Variants in MYO9A observed in about 807,000 individuals in gnomAD.
MYO9A encodes unconventional myosin-IXa.
In MYO9A, 103 loss-of-function variants were observed where a neutral mutation model predicts 293.3. That is an observed-to-expected ratio of 0.35 (90% CI 0.30 to 0.41). The LOEUF is 0.41. MYO9A is among the 10% of genes least tolerant of loss of function. MYO9A has a pLI of 1.00. For synonymous variants in MYO9A, 1,001 were observed against 1,035.7 expected, an observed-to-expected ratio of 0.97 and a Z score of 0.64; for missense variants, 2,685 against 3,033.0, an observed-to-expected ratio of 0.89 and a Z score of 2.69.
intron 11 of MYO9A, among the ~76,000 whole-genome samples, chr15:71,985,776 T>C (rs540021930): frequency 3.9e-5 from 6 of 152,336 alleles, no homozygotes; most frequent in African/African-American, 1.4e-4. Flanking sequence ...TTCAAATATA[T>C]GTTGTTGAAG....
At position 71,901,277 on chromosome 15, in the gene MYO9A, T is replaced by C. The variant is rs1241116738; in HGVS notation, c.3064A>G (p.Arg1022Gly). Residue 1022 changes from arginine (R) to glycine (G), a missense_variant, in exon 23 of 42, where the codon AGA becomes GGA. Physicochemically the swap from Arg to Gly is moderately radical, Grantham distance 125 (BLOSUM62 -2). Coordinates refer to ENST00000356056, the MANE Select transcript of MYO9A (RefSeq NM_006901.4). ...QDLLHQEVLR[R>G]IILLQRWFRV... is the part of the protein sequence containing the mutation. Reference sequence around the variant, plus strand: ...AACCATCGCTGCAACAATATGATTCTGCGGAGCACCTCTTGGTGAAGCAGA... The same window carrying C: ...AACCATCGCTGCAACAATATGATTCCGCGGAGCACCTCTTGGTGAAGCAGA... The C allele has an allele frequency of 6.2e-7, 1 of 1,613,958 alleles. No individual in the cohort carries two copies.
chr15:71,954,747 C>G (rs993426931), intron 14 of MYO9A, among the ~76,000 whole-genome samples: 5 of 152,102 alleles, frequency 3.3e-5, no homozygotes, highest in African/African-American at 9.7e-5. Context: ...GCAGGACCAG[C>G]AATTTTCAAT....
chr15:72,056,234 T>G (rs1447428035), intron 1 of MYO9A, among the ~76,000 whole-genome samples: 1 of 152,064 alleles, frequency 6.6e-6, no homozygotes, highest in Non-Finnish European at 1.5e-5. Context: ...TTGCCACTAC[T>G]GAGTACCTAC....
chr15:72,006,944 TAAAC>T (rs2077034476), intron 8 of MYO9A, among the ~76,000 whole-genome samples: 2 of 152,126 alleles, frequency 1.3e-5, no homozygotes, highest in South Asian at 2.1e-4. Flanking sequence ...ATACTGGAAT[TAAAC>T]AAATAAGTAA....
At chr15:71,936,538 T>C (rs1271485541) in intron 16 of MYO9A, among the ~76,000 whole-genome samples, 1 of 152,120 alleles carries the variant, frequency 6.6e-6, no homozygotes, top group Non-Finnish European at 1.5e-5. Context: ...AATATGGTAA[T>C]TATTTTAATT....
chr15:72,028,092 G>A (rs1012885711), intron 3 of MYO9A, among the ~76,000 whole-genome samples: 1 of 150,758 alleles, frequency 6.6e-6, no homozygotes, highest in Non-Finnish European at 1.5e-5. Context: ...AGTTACTCGG[G>A]AGGCTGAGGC....
At chr15:72,057,247 CGA>C (rs1329353858) in intron 1 of MYO9A, among the ~76,000 whole-genome samples, 13 of 152,018 alleles carry the variant, frequency 8.6e-5, no homozygotes, top group African/African-American at 2.7e-4. Context: ...CCAGCCTTGA[CGA>C]GAGAGCAAGA....
intron 26 of MYO9A, chr15:71,892,969 T>TCGGAGTCACTGTGAGAGGCCTGAC: frequency 7.9e-7 from 1 of 1,261,138 alleles, no homozygotes; most frequent in Non-Finnish European, 1.0e-6. Flanking sequence ...AATTACCATT[T>TCGGAGTCACTGTGAGAGGCCTGAC]CGGAGTCACT....
intron 2 of MYO9A, among the ~76,000 whole-genome samples, chr15:72,042,096 G>A (rs2149607800): frequency 7.4e-6 from 1 of 135,648 alleles, no homozygotes; most frequent in East Asian, 2.3e-4. Flanking sequence ...TATGAGACTT[G>A]ATAATTCTAT....
chr15:71,872,059 T>C (rs1596075069), intron 32 of MYO9A, among the ~76,000 whole-genome samples: 1 of 152,128 alleles, frequency 6.6e-6, no homozygotes, highest in East Asian at 1.9e-4. Flanking sequence ...TTTATGTGAC[T>C]TTCTCAACTG....
intron 1 of MYO9A, among the ~76,000 whole-genome samples, chr15:72,091,760 A>G (rs1054839476): frequency 2.0e-5 from 3 of 148,456 alleles, no homozygotes; most frequent in African/African-American, 5.0e-5. Flanking sequence ...CTTGCCCAGG[A>G]TGGAGTGCAG....
At chr15:71,827,102 T>G in intron 41 of MYO9A, 59 bp from the exon 42 acceptor site, 1 of 1,264,220 alleles carries the variant, frequency 7.9e-7, no homozygotes, top group South Asian at 1.5e-5. Flanking sequence ...CAAATCATCA[T>G]ATAATGAATA....
intron 3 of MYO9A, among the ~76,000 whole-genome samples, chr15:72,031,858 A>G (rs2077882052): frequency 6.6e-6 from 1 of 152,188 alleles, no homozygotes. Flanking sequence ...ATGGTTATAT[A>G]GGAAAATGTA....
chr15:71,937,595 C>A (rs1398684853), intron 16 of MYO9A, among the ~76,000 whole-genome samples: 1 of 152,038 alleles, frequency 6.6e-6, no homozygotes, highest in Non-Finnish European at 1.5e-5. Flanking sequence ...CTTTTATATG[C>A]ACTGGGAAAC....
At chr15:71,907,418 C>G in intron 19 of MYO9A, among the ~76,000 whole-genome samples, 1 of 137,324 alleles carries the variant, frequency 7.3e-6, no homozygotes, top group Admixed American at 7.5e-5. Flanking sequence ...GTGCATGTGT[C>G]TTTATAGCAG....
chr15:71,916,320 A>C, intron 19 of MYO9A, 50 bp downstream of exon 19: 1 of 1,583,602 alleles, frequency 6.3e-7, no homozygotes, highest in South Asian at 1.2e-5. Context: ...TTTCAATGAC[A>C]ATCTGAAAGA....
At chr15:71,906,829 T>C (rs1318600107) in intron 19 of MYO9A, among the ~76,000 whole-genome samples, 3 of 141,008 alleles carry the variant, frequency 2.1e-5, no homozygotes, top group Non-Finnish European at 3.0e-5. Context: ...AGTGGCACGA[T>C]CTCGGCCTAC....
intron 8 of MYO9A, 75 bp downstream of exon 8, chr15:72,007,751 A>C: frequency 1.4e-6 from 2 of 1,451,590 alleles, no homozygotes; most frequent in Non-Finnish European, 1.9e-6. Context: ...ACCCGTTTAC[A>C]CCTACAAAAT....
At chr15:71,948,644 C>T (rs80115107) in intron 15 of MYO9A, among the ~76,000 whole-genome samples, 4,096 of 152,248 alleles carry the variant, frequency 0.027, 163 homozygotes, top group East Asian at 0.18. Context: ...AAAAAATTTG[C>T]CAACCCCTAC....
Sources: gnomAD v4.1 joint callset for allele counts (sites outside exome capture counted in the v4.1 genomes callset) on GRCh38, gnomAD v4.1.1 for gene constraint, MANE v1.5 for transcripts, NCBI Gene and HGNC (gene_info 2026-07-23, HGNC 2026-07-21) for gene names.